Variants in DNAJB12 observed in about 807,000 individuals in gnomAD.
DNAJB12 encodes dnaJ homolog subfamily B member 12.
A neutral mutation model predicts 40.6 loss-of-function variants in DNAJB12; 14 were observed. The ratio of observed to expected loss-of-function variants is 0.34; its 90% confidence interval spans 0.23 to 0.54. The LOEUF is 0.54. Ranked by LOEUF, DNAJB12 falls within the 20% of genes least tolerant of loss-of-function variation. The pLI is 0.92. For synonymous variants in DNAJB12, 181 were observed against 199.5 expected (o/e 0.91, Z 0.78); for missense variants, 444 against 501.7 (o/e 0.89, Z 1.10).
chr10:72,343,912 G>C (rs1268546975), intron 2 of DNAJB12, among the ~76,000 whole-genome samples: 2 of 150,798 alleles, frequency 1.3e-5, no homozygotes, highest in Non-Finnish European at 2.9e-5. Flanking sequence ...ATTTTTAAAA[G>C]TTTTTAAAAT....
chr10:72,334,326 A>T lies in DNAJB12; in HGVS notation c.*322T>A, dbSNP rs1026626794. 6 of 496,544 alleles carry T rather than the reference A, an allele frequency of 1.2e-5. No individual in the cohort carries two copies. The highest frequency in any genetic ancestry group is 2.1e-5 in the Non-Finnish European group (6 of 284,878). 30.8% of individuals were successfully genotyped at this position (496,544 alleles called of 1,614,324 possible). ...CCCCCTCCCCCAGCCCTTCCCACTG[A>T]TATCTGCTGCGAGTTTTACATTCTA... On this transcript the variant is annotated 3_prime_UTR_variant, in exon 9 of 9. Transcript: ENST00000444643.
At chr10:72,340,549 G>C (rs1031957139) in intron 5 of DNAJB12, among the ~76,000 whole-genome samples, 3 of 152,230 alleles carry the variant, frequency 2.0e-5, no homozygotes, top group African/African-American at 7.2e-5. Flanking sequence ...CCACTCCCCA[G>C]CCAGGCCAGC....
rs747768577 is a variant in DNAJB12, at chr10:72,340,782, C to T, written c.723+7G>A. 1 of 1,613,666 alleles carries T rather than the reference C, an allele frequency of 6.2e-7. No individual in the cohort carries two copies. Among genetic ancestry groups the T allele is most frequent in the Admixed American group, 1.7e-5 (1 of 59,994 alleles). The stretch of plus-strand genomic sequence containing the variant: ...CCCGCGCTGTCCCTGGCGCCCTCCT[C>T]ACTCACATCACCCTGGTTGTCCCTG... On this transcript the variant is annotated splice_region_variant and intron_variant, in intron 5 of 8. Coordinates refer to ENST00000444643, the MANE Select transcript of DNAJB12 (RefSeq NM_017626.7).
rs75459951 is a variant in DNAJB12, at chr10:72,342,953, G to A, written c.457+413C>T. On this transcript the variant is annotated intron_variant, in intron 3 of 8. Coordinates refer to ENST00000444643, the MANE Select transcript of DNAJB12 (RefSeq NM_017626.7). The stretch of plus-strand genomic sequence containing the variant: ...GCTGCTGGTATTGAGGTGGCCACCA[G>A]GCCTGAGGCCCCCGACCTGGGGCTA... Among the ~76,000 whole-genome samples the A allele has an allele frequency of 7.5e-3, 1,140 of 152,288 alleles. 16 individuals are homozygous for A. The highest frequency in any genetic ancestry group is 0.026 in the African/African-American group (1,079 of 41,542).
At chr10:72,350,226 CCT>C (rs1175552117) in intron 1 of DNAJB12, among the ~76,000 whole-genome samples, 3 of 151,512 alleles carry the variant, frequency 2.0e-5, no homozygotes, top group African/African-American at 7.3e-5. Flanking sequence ...ACAGGAAGAC[CCT>C]GTCTCTACGA....
intron 1 of DNAJB12, among the ~76,000 whole-genome samples, chr10:72,349,504 T>C (rs532362941): frequency 2.0e-4 from 30 of 152,070 alleles, no homozygotes; most frequent in Non-Finnish European, 4.0e-4. Flanking sequence ...TGAAGAGATA[T>C]TGGTCAAGGC....
Position 72,340,884 on chromosome 10 carries a change from G to T in DNAJB12, c.644-16C>A. The T allele has an allele frequency of 6.2e-7, 1 of 1,612,478 alleles. No homozygotes were observed. The highest frequency in any genetic ancestry group is 8.5e-7 in the Non-Finnish European group (1 of 1,179,116). On this transcript the variant is annotated splice_polypyrimidine_tract_variant and intron_variant, in intron 4 of 8. Transcript: ENST00000444643. ...TGGACGTTACCTGGGGGTCAGAGGG[G>T]CTGAGTCAGGAGCCAGGTCTGTTGG...
At chr10:72,342,407 C>T (rs971241765) in intron 3 of DNAJB12, among the ~76,000 whole-genome samples, 3 of 152,242 alleles carry the variant, frequency 2.0e-5, no homozygotes, top group African/African-American at 7.2e-5. Flanking sequence ...TCTGAATAGG[C>T]CTCAAGGCCA....
chr10:72,336,799 T>A, intron 6 of DNAJB12, 103 bp from the exon 7 acceptor site: 1 of 968,124 alleles, frequency 1.0e-6, no homozygotes, highest in Non-Finnish European at 1.5e-6. Flanking sequence ...ACCAGAGGAG[T>A]AGTTGGTTCC....
At chr10:72,346,551 C>T (rs1240479615) in intron 1 of DNAJB12, among the ~76,000 whole-genome samples, 2 of 152,244 alleles carry the variant, frequency 1.3e-5, no homozygotes, top group African/African-American at 4.8e-5. Flanking sequence ...TCTTGAACTC[C>T]TGACCTCAAG....
intron 3 of DNAJB12, among the ~76,000 whole-genome samples, chr10:72,342,415 C>A (rs1194924813): frequency 6.6e-6 from 1 of 152,238 alleles, no homozygotes; most frequent in Non-Finnish European, 1.5e-5. Context: ...GGCCTCAAGG[C>A]CAGAGCTGGC....
At position 72,350,129 on chromosome 10, in the gene DNAJB12, G is replaced by A. The variant is rs1019611005; in HGVS notation, c.133+4636C>T. 9.2e-5 allele frequency among the ~76,000 whole-genome samples: 14 copies of A among 152,216 alleles called. No homozygotes were observed. In the East Asian group the frequency reaches 2.7e-3, roughly 29 times the overall value. ...GACTAGAGTTAGATTTGGCCGGGCA[G>A]TGGCTCACACCTGTCATCTCAGCAC... On this transcript the variant is annotated intron_variant, in intron 1 of 8. Coordinates refer to ENST00000444643, the MANE Select transcript of DNAJB12 (RefSeq NM_017626.7).
At chr10:72,336,362 G>A (rs1861473555) in intron 7 of DNAJB12, among the ~76,000 whole-genome samples, 162 bp downstream of exon 7, 1 of 152,242 alleles carries the variant, frequency 6.6e-6, no homozygotes. Flanking sequence ...GAGAAACACA[G>A]GAGTGGAGAC....
intron 1 of DNAJB12, among the ~76,000 whole-genome samples, chr10:72,347,666 A>G (rs1861827110): frequency 6.6e-6 from 1 of 152,234 alleles, no homozygotes; most frequent in Admixed American, 6.5e-5. Flanking sequence ...CTGTAATCCC[A>G]ACACTTTGGG....
intron 7 of DNAJB12, 67 bp downstream of exon 7, chr10:72,336,457 C>T: frequency 6.6e-7 from 1 of 1,520,220 alleles, no homozygotes; most frequent in South Asian, 1.2e-5. Flanking sequence ...CTCTCTCCTT[C>T]CCCTGCTTTC....
rs1442556808 is a variant in DNAJB12, at chr10:72,337,103, G to A, written c.834-407C>T. ...TCCCAGTGTAGGGTTAAGAGGCTTAGGAACAAAATGACAGGAAGGGCTCCA... is the reference window on the plus strand; with the variant it reads ...TCCCAGTGTAGGGTTAAGAGGCTTAAGAACAAAATGACAGGAAGGGCTCCA... On this transcript the variant is annotated intron_variant, in intron 6 of 8. Coordinates refer to ENST00000444643, the MANE Select transcript of DNAJB12 (RefSeq NM_017626.7). Among the ~76,000 whole-genome samples the A allele has an allele frequency of 2.0e-5, 3 of 152,300 alleles. No individual in the cohort carries two copies. The East Asian group carries it at 5.8e-4, about 29-fold the overall frequency.
At position 72,336,512 on chromosome 10, in the gene DNAJB12, C is replaced by A. The variant is rs1478010194; in HGVS notation, c.1006+12G>T. On this transcript the variant is annotated intron_variant, in intron 7 of 8. Coordinates refer to ENST00000444643, the MANE Select transcript of DNAJB12 (RefSeq NM_017626.7). ...CTCCCAAATACAGCCCCCGCCTTCC[C>A]CCCACACTCACTCTGCTGCTTCTCC... is the stretch of plus-strand genomic sequence containing the variant. 1 of 1,612,286 alleles carries A rather than the reference C, an allele frequency of 6.2e-7. No individual in the cohort carries two copies. The highest frequency in any genetic ancestry group is 8.5e-7 in the Non-Finnish European group (1 of 1,179,208).
Position 72,333,695 on chromosome 10 carries a change from G to A in DNAJB12, c.*953C>T, listed in dbSNP as rs974001616. On this transcript the variant is annotated 3_prime_UTR_variant, in exon 9 of 9. Transcript: ENST00000444643. ...GGTTAGGTAGATCCTGGCCCCCTCT[G>A]CAGGCCTTCCCTTCTGTGGGCAGGG... 1.3e-5 allele frequency: 2 copies of A among 152,722 alleles called. No individual in the cohort carries two copies. Among genetic ancestry groups the A allele is most frequent in the African/African-American group, 2.4e-5 (1 of 41,464 alleles). 9.5% of individuals were successfully genotyped at this position (152,722 alleles called of 1,614,324 possible). A position where few individuals can be genotyped will look rare whatever the true frequency, so the allele number is the denominator to read the frequency against.
chr10:72,335,772 G>C lies in DNAJB12; in HGVS notation c.*30+8C>G. Reference sequence around the variant, plus strand: ...GAGTTGCAGGGTGGAGGCAGCCCTGGCTCATACTTGGACCTCGGTGGTGTG... The same window carrying C: ...GAGTTGCAGGGTGGAGGCAGCCCTGCCTCATACTTGGACCTCGGTGGTGTG... On this transcript the variant is annotated splice_region_variant and intron_variant, in intron 8 of 8. Transcript: ENST00000444643. The surrounding 1 kb of genome is among the most constrained non-coding windows in gnomAD (Gnocchi z 4.4). 6.2e-7 allele frequency: 1 copy of C among 1,611,826 alleles called. No homozygotes were observed. The highest frequency in any genetic ancestry group is 8.5e-7 in the Non-Finnish European group (1 of 1,178,738).
Sources: gnomAD v4.1 joint callset for allele counts (sites outside exome capture counted in the v4.1 genomes callset) on GRCh38, gnomAD v4.1.1 for gene constraint, Gnocchi (gnomAD v3.1) non-coding constraint, MANE v1.5 for transcripts, NCBI Gene and HGNC (gene_info 2026-07-23, HGNC 2026-07-21) for gene names.